The following LRMDA variants were observed in gnomAD, a reference collection of about 807,000 sequenced individuals.
The protein encoded by LRMDA is leucine rich melanocyte differentiation associated.
LRMDA carries 18 observed loss-of-function variants against 29.8 expected under a neutral mutation model. The observed-to-expected ratio is 0.60, with a 90% CI of 0.42 to 0.90. The LOEUF (loss-of-function observed/expected upper bound fraction) is 0.90, where lower values mean the gene tolerates loss of function less well. LRMDA is among the 40% of genes least tolerant of loss of function. The pLI is 0.00. For synonymous variants in LRMDA, 125 were observed against 109.4 expected (o/e 1.14, Z -0.89); for missense variants, 273 against 273.9 (o/e 1.00, Z 0.02).
At chr10:76,425,730 C>T (rs1284250038) in intron 6 of LRMDA, among the ~76,000 whole-genome samples, 1 of 151,488 alleles carries the variant, frequency 6.6e-6, no homozygotes, top group East Asian at 1.9e-4. Context: ...TTAGGTGTAT[C>T]TCCTAATGCT....
At chr10:76,447,145 A>G (rs1842361981) in intron 6 of LRMDA, among the ~76,000 whole-genome samples, 1 of 151,564 alleles carries the variant, frequency 6.6e-6, no homozygotes, top group Admixed American at 6.6e-5. Flanking sequence ...CTCTTTAACC[A>G]TGGAAACTCT....
chr10:76,324,594 C>T, intron 6 of LRMDA, 109 bp downstream of exon 6: 4 of 918,512 alleles, frequency 4.4e-6, no homozygotes, highest in Non-Finnish European at 6.9e-6. Context: ...GAACACAGTG[C>T]TTTTTAAGTC....
chr10:76,131,733 C>A (rs1406648664), intron 5 of LRMDA, among the ~76,000 whole-genome samples: 1 of 151,886 alleles, frequency 6.6e-6, no homozygotes, highest in Non-Finnish European at 1.5e-5. Context: ...TGAGACTGAA[C>A]ATTTCAAAAA....
At chr10:76,378,761 T>C (rs1170129907) in intron 6 of LRMDA, among the ~76,000 whole-genome samples, 2 of 152,196 alleles carry the variant, frequency 1.3e-5, no homozygotes, top group South Asian at 2.1e-4. Context: ...GATGTGCTAC[T>C]TAATTCAATT....
chr10:75,612,869 T>G (rs1841050004), intron 2 of LRMDA, among the ~76,000 whole-genome samples: 3 of 151,992 alleles, frequency 2.0e-5, no homozygotes. Flanking sequence ...TTCAAAGTAT[T>G]AACTTTGGTG....
chr10:75,999,626 G>A (rs755349913), intron 2 of LRMDA, among the ~76,000 whole-genome samples: 38 of 152,262 alleles, frequency 2.5e-4, no homozygotes, highest in African/African-American at 7.2e-4. Flanking sequence ...AAGAACAGGC[G>A]CTGCTTCAGT....
At chr10:75,989,365 G>T (rs1366194616) in intron 2 of LRMDA, among the ~76,000 whole-genome samples, 1 of 152,364 alleles carries the variant, frequency 6.6e-6, no homozygotes, top group East Asian at 1.9e-4. Flanking sequence ...GGCAAAGAGG[G>T]CGCTGGCACT....
At chr10:75,563,668 C>T (rs890119126) in intron 2 of LRMDA, among the ~76,000 whole-genome samples, 1 of 152,020 alleles carries the variant, frequency 6.6e-6, no homozygotes, top group African/African-American at 2.4e-5. Context: ...GTTTTATCTA[C>T]TTTTGGTCTT....
intron 2 of LRMDA, among the ~76,000 whole-genome samples, chr10:75,713,921 G>A (rs1003472390): frequency 6.6e-6 from 1 of 151,866 alleles, no homozygotes. Context: ...TTTGCTCTGT[G>A]TCACAACAAC....
intron 2 of LRMDA, among the ~76,000 whole-genome samples, chr10:75,461,755 C>T (rs979690900): frequency 1.3e-5 from 2 of 152,176 alleles, no homozygotes; most frequent in African/African-American, 2.4e-5. Flanking sequence ...CAGAACACCT[C>T]GTGGGGAGGG....
intron 6 of LRMDA, among the ~76,000 whole-genome samples, chr10:76,371,061 C>T (rs993462521): frequency 6.6e-6 from 1 of 152,154 alleles, no homozygotes; most frequent in African/African-American, 2.4e-5. Context: ...TCGCACATTC[C>T]AAGATGAGAT....
intron 2 of LRMDA, among the ~76,000 whole-genome samples, chr10:75,697,310 G>A (rs1230893286): frequency 7.2e-6 from 1 of 138,852 alleles, no homozygotes; most frequent in Non-Finnish European, 1.5e-5. Flanking sequence ...ATTTCTACTG[G>A]TTTATTTTAC....
At chr10:76,451,509 AT>A (rs1200153168) in intron 6 of LRMDA, among the ~76,000 whole-genome samples, 4 of 150,444 alleles carry the variant, frequency 2.7e-5, no homozygotes, top group African/African-American at 7.3e-5. Context: ...CCGGCCTCTG[AT>A]TTGCATTTTT....
intron 6 of LRMDA, among the ~76,000 whole-genome samples, chr10:76,345,185 G>T (rs911361147): frequency 6.9e-6 from 1 of 145,352 alleles, no homozygotes; most frequent in African/African-American, 2.5e-5. Context: ...TCCTGCCTCA[G>T]CCTCCCGAGT....
At chr10:75,731,598 GGAA>G (rs943175182) in intron 2 of LRMDA, among the ~76,000 whole-genome samples, 23 of 152,202 alleles carry the variant, frequency 1.5e-4, no homozygotes, top group African/African-American at 5.5e-4. Flanking sequence ...TCATGCCCCA[GGAA>G]GAAGAAGTCA....
At chr10:76,484,617 T>A (rs1461116787) in intron 6 of LRMDA, among the ~76,000 whole-genome samples, 1 of 152,000 alleles carries the variant, frequency 6.6e-6, no homozygotes, top group Non-Finnish European at 1.5e-5. Flanking sequence ...CTGATTTTTG[T>A]ATAATGATCT....
chr10:75,760,956 A>G (rs1016408901), intron 2 of LRMDA, among the ~76,000 whole-genome samples: 2 of 152,184 alleles, frequency 1.3e-5, no homozygotes, highest in Non-Finnish European at 2.9e-5. Flanking sequence ...GAGAATGAGA[A>G]TTTGATTTAA....
intron 5 of LRMDA, among the ~76,000 whole-genome samples, chr10:76,065,807 C>T (rs1158957689): frequency 6.6e-6 from 1 of 152,234 alleles, no homozygotes; most frequent in Non-Finnish European, 1.5e-5. Context: ...TGGCCTTGGC[C>T]ATGTAACTCC....
chr10:75,836,704 G>C (rs1844442901), intron 2 of LRMDA, among the ~76,000 whole-genome samples: 1 of 152,118 alleles, frequency 6.6e-6, no homozygotes, highest in Non-Finnish European at 1.5e-5. Context: ...ATCTTTACCT[G>C]CTTACAATCT....
Sources: allele counts gnomAD v4.1 joint callset (sites outside exome capture counted in the v4.1 genomes callset), GRCh38; gene constraint gnomAD v4.1.1; transcripts MANE v1.5; gene names NCBI Gene and HGNC (gene_info 2026-07-23, HGNC 2026-07-21).